MINAR1: variants seen among roughly 807,000 people sequenced by gnomAD.
MINAR1 encodes membrane integral NOTCH2 associated receptor 1, also known as major intrinsically disordered Notch2-binding receptor 1.
A neutral mutation model predicts 65.1 loss-of-function variants in MINAR1; 40 were observed. The ratio of observed to expected loss-of-function variants is 0.61; its 90% CI spans 0.48 to 0.80. MINAR1 has a LOEUF of 0.80. Ranked by LOEUF, MINAR1 falls within the 30% of genes least tolerant of loss-of-function variation. MINAR1 has a pLI of 0.00. For synonymous variants in MINAR1, 482 were observed against 449.1 expected, an observed-to-expected ratio of 1.07 and a Z score of -0.93; for missense variants, 1,128 against 1,148.0, an observed-to-expected ratio of 0.98 and a Z score of 0.25.
In MINAR1 at chr15:79,457,695, C is replaced by T. The variant is rs147133361; in HGVS notation, c.1548C>T (p.Asp516=). Residue 516 remains aspartate (D), a synonymous_variant, in exon 2 of 4, where the codon GAC becomes GAT. Coordinates refer to ENST00000305428, the MANE Select transcript of MINAR1 (RefSeq NM_015206.3). ...HSDDDSEIVS[D]DISDIFRFLD... ...ACGATGACTCAGAAATTGTCAGCGA[C>T]GACATCAGTGACATTTTCCGATTTC... The T allele has an allele frequency of 3.2e-5, 52 of 1,613,996 alleles. No individual in the cohort carries two copies. The highest frequency in any genetic ancestry group is 6.7e-5 in the East Asian group (3 of 44,880).
chr15:79,434,238 TTTG>T (rs1174330952), intron 1 of MINAR1, among the ~76,000 whole-genome samples: 1 of 152,138 alleles, frequency 6.6e-6, no homozygotes, highest in African/African-American at 2.4e-5. Flanking sequence ...GACAAAAGGT[TTTG>T]TTGTTGGTGT....
chr15:79,441,711 T>C (rs1043890583), intron 1 of MINAR1, among the ~76,000 whole-genome samples: 4 of 152,120 alleles, frequency 2.6e-5, no homozygotes, highest in Non-Finnish European at 4.4e-5. Context: ...TCCCCAACAG[T>C]GGTATGAGTA....
the MINAR1 span, chr15:79,411,752 G>A: frequency 5.0e-5 from 23 of 456,590 alleles, no homozygotes; most frequent in African/African-American, 4.5e-4. Context: ...AGAGTTGCTT[G>A]GAGAAGTGGT....
At chr15:79,433,200 C>G (rs1048258833) in intron 1 of MINAR1, among the ~76,000 whole-genome samples, 2 of 152,054 alleles carry the variant, frequency 1.3e-5, no homozygotes, top group African/African-American at 4.8e-5. Flanking sequence ...CCTCCGAAAG[C>G]GATAATTTCC....
In MINAR1 at chr15:79,437,717, T is replaced by G. The variant is rs1217194770; in HGVS notation, c.-51+5177T>G. On this transcript the variant is annotated intron_variant, in intron 1 of 3. Transcript: ENST00000305428. ...TGAGTGTGTGGGGTGTGGGTGTGGG[T>G]GGGTAGTGAGTGTGTGGGGTGTGGG... Among the ~76,000 whole-genome samples, 78 of 20,132 alleles carry G rather than the reference T, an allele frequency of 3.9e-3. 1 individual carries two copies. The highest frequency in any genetic ancestry group is 0.011 in the African/African-American group (76 of 6,638). 13.2% of individuals were successfully genotyped at this position (20,132 alleles called of 152,430 possible).
At chr15:79,429,076 A>T (rs1483837881), upstream of MINAR1, among the ~76,000 whole-genome samples, 1 of 152,238 alleles carries the variant, frequency 6.6e-6, no homozygotes, top group Non-Finnish European at 1.5e-5. Flanking sequence ...GCTTTAAAGC[A>T]GCTGAGATAA....
At chr15:79,449,198 A>T (rs965710485) in intron 1 of MINAR1, among the ~76,000 whole-genome samples, 3 of 152,154 alleles carry the variant, frequency 2.0e-5, no homozygotes, top group South Asian at 4.1e-4. Context: ...AGGGGCTAAG[A>T]CAATATGGAT....
chr15:79,436,391 T>G (rs1894600610), intron 1 of MINAR1, among the ~76,000 whole-genome samples: 1 of 152,178 alleles, frequency 6.6e-6, no homozygotes, highest in Admixed American at 6.5e-5. Flanking sequence ...GGAGAGCTTA[T>G]TTGGTAATAT....
At chr15:79,449,961 C>G (rs913877883) in intron 1 of MINAR1, among the ~76,000 whole-genome samples, 11 of 152,188 alleles carry the variant, frequency 7.2e-5, no homozygotes, top group Admixed American at 5.9e-4. Context: ...GCAGATGGCA[C>G]CTTCTCTGTG....
intron 3 of MINAR1, among the ~76,000 whole-genome samples, chr15:79,466,551 GAAAAAAA>G (rs1567063180): frequency 6.6e-6 from 1 of 151,920 alleles, no homozygotes; most frequent in East Asian, 1.9e-4. Flanking sequence ...TTTAAAAATG[GAAAAAAA>G]TCACTAAAAA....
upstream of MINAR1, among the ~76,000 whole-genome samples, chr15:79,428,339 C>A (rs1488381760): frequency 5.8e-5 from 6 of 104,112 alleles, no homozygotes; most frequent in Middle Eastern, 6.3e-3. Context: ...CCTCTACCTC[C>A]CCCATCCCTC....
chr15:79,463,195 C>A lies in MINAR1; in HGVS notation c.2427C>A (p.Asn809Lys), dbSNP rs1288365435. The A allele has an allele frequency of 5.0e-6, 8 of 1,614,238 alleles. No homozygotes were observed. The East Asian group carries it at 1.3e-4, about 27-fold the overall frequency. The change falls in exon 3 of 4, where the codon AAC becomes AAA. Residue 809 changes from asparagine to lysine, a missense_variant. Transcript: ENST00000305428. ...CCCTCAAGGCCCACATGAAGAGCAA[C>A]CCCCTGTACACAGACATGCGGCTGA... is the stretch of plus-strand genomic sequence containing the variant. ...PASLKAHMKS[N>K]PLYTDMRLTE...
At chr15:79,449,286 T>C (rs903884793) in intron 1 of MINAR1, among the ~76,000 whole-genome samples, 1 of 152,216 alleles carries the variant, frequency 6.6e-6, no homozygotes, top group Non-Finnish European at 1.5e-5. Context: ...ACTTTGTCAG[T>C]TCCCAGCTCT....
upstream of MINAR1, among the ~76,000 whole-genome samples, chr15:79,428,246 CTCCCTCCT>C (rs1272064856): frequency 2.0e-3 from 106 of 53,916 alleles, no homozygotes; most frequent in African/African-American, 6.8e-3. Context: ...CCTCCTCTCC[CTCCCTCCT>C]TCCCTCCTTC....
upstream of MINAR1, chr15:79,427,400 C>A (rs1595921808): frequency 6.6e-6 from 1 of 152,228 alleles, no homozygotes; most frequent in East Asian, 1.9e-4. Flanking sequence ...TGCATATGTA[C>A]CCCTGAACCT....
chr15:79,435,285 A>T (rs919431167), intron 1 of MINAR1, among the ~76,000 whole-genome samples: 7 of 152,176 alleles, frequency 4.6e-5, no homozygotes, highest in East Asian at 1.9e-4. Context: ...TCAAAAAAAA[A>T]AAAAAAATAC....
chr15:79,457,547 T>C lies in MINAR1; in HGVS notation c.1400T>C (p.Leu467Pro), dbSNP rs1351417757. The C allele has an allele frequency of 6.2e-7, 1 of 1,614,054 alleles. No homozygotes were observed. Among genetic ancestry groups the C allele is most frequent in the Non-Finnish European group, 8.5e-7 (1 of 1,180,038 alleles). The change falls in exon 2 of 4, where the codon CTC (leucine) becomes CCC (proline). Residue 467 changes from leucine to proline, a missense_variant. Coordinates refer to ENST00000305428, the MANE Select transcript of MINAR1 (RefSeq NM_015206.3). ...DKSINCTSGQ[L>P]SSDTSSVGTQ... ...AGCATTAACTGCACCAGTGGGCAGC[T>C]CAGCTCAGACACCAGTAGCGTGGGC...
intron 1 of MINAR1, among the ~76,000 whole-genome samples, chr15:79,446,381 A>G (rs1827335502): frequency 6.6e-6 from 1 of 152,118 alleles, no homozygotes; most frequent in South Asian, 2.1e-4. Context: ...TTCCCTCTGA[A>G]GGAGCTTCTT....
intron 1 of MINAR1, among the ~76,000 whole-genome samples, chr15:79,432,841 A>C (rs1238193662): frequency 2.0e-5 from 3 of 152,174 alleles, no homozygotes; most frequent in Admixed American, 2.0e-4. Flanking sequence ...ATGATCATGC[A>C]GTTTGGGGCA....
Sources: allele counts gnomAD v4.1 joint callset (sites outside exome capture counted in the v4.1 genomes callset), GRCh38; gene constraint gnomAD v4.1.1; transcripts MANE v1.5; gene names NCBI Gene and HGNC (gene_info 2026-07-23, HGNC 2026-07-21).